The following DNASE1L3 variants were observed in gnomAD, a reference collection of about 807,000 sequenced individuals.
DNASE1L3 encodes the protein deoxyribonuclease 1L3.
A neutral mutation model predicts 30.9 loss-of-function variants in DNASE1L3; 27 were observed. That is an observed-to-expected ratio of 0.87 (90% CI 0.64 to 1.20). The LOEUF is 1.20. Among genes scored for constraint, DNASE1L3 ranks in the 50% most tolerant of loss-of-function variants. The pLI is 0.00. For synonymous variants in DNASE1L3, 135 were observed against 138.0 expected, an observed-to-expected ratio of 0.98 and a Z score of 0.15; for missense variants, 364 against 378.2, an observed-to-expected ratio of 0.96 and a Z score of 0.31.
At position 58,205,777 on chromosome 3, in the gene DNASE1L3, G is replaced by A. The variant is rs553155188; in HGVS notation, c.231-217C>T. Among the ~76,000 whole-genome samples, 12 of 152,348 alleles carry A rather than the reference G, an allele frequency of 7.9e-5. No homozygotes were observed. The South Asian group carries it at 1.0e-3, about 13-fold the overall frequency. ...ACAGCCATTATTTCTTGCCTTATGAGGAGAGTGTTATCATTACCCCCTTTC... is the reference window on the plus strand; with the variant it reads ...ACAGCCATTATTTCTTGCCTTATGAAGAGAGTGTTATCATTACCCCCTTTC... On this transcript the variant is annotated intron_variant, in intron 2 of 7. Coordinates refer to ENST00000394549, the MANE Select transcript of DNASE1L3 (RefSeq NM_004944.4).
intron 7 of DNASE1L3, 58 bp downstream of exon 7, chr3:58,193,285 C>G (rs766661698): frequency 1.3e-6 from 2 of 1,588,418 alleles, no homozygotes; most frequent in Non-Finnish European, 1.7e-6. Flanking sequence ...CATCATGTTG[C>G]CCAAGCTAAC....
chr3:58,209,441 G>T (rs769875004), intron 1 of DNASE1L3, among the ~76,000 whole-genome samples: 1 of 152,196 alleles, frequency 6.6e-6, no homozygotes, highest in Non-Finnish European at 1.5e-5. Context: ...GCATGTCAGG[G>T]TTTCCCATTG....
intron 5 of DNASE1L3, among the ~76,000 whole-genome samples, chr3:58,198,342 A>C (rs1406539269): frequency 6.6e-6 from 1 of 152,196 alleles, no homozygotes; most frequent in African/African-American, 2.4e-5. Context: ...GCCGTCTACA[A>C]ACCAAGGAGA....
intron 5 of DNASE1L3, among the ~76,000 whole-genome samples, chr3:58,199,812 T>C (rs2097399525): frequency 6.6e-6 from 1 of 152,206 alleles, no homozygotes; most frequent in Non-Finnish European, 1.5e-5. Context: ...AATGATTTCA[T>C]AATTTTTGGA....
At chr3:58,203,004 G>C (rs1030543192) in intron 4 of DNASE1L3, among the ~76,000 whole-genome samples, 3 of 152,216 alleles carry the variant, frequency 2.0e-5, no homozygotes, top group African/African-American at 7.2e-5. Flanking sequence ...CTGAGAGCCT[G>C]AGTGTGGCAA....
chr3:58,195,793 A>G (rs1013871467), intron 6 of DNASE1L3, among the ~76,000 whole-genome samples: 5 of 152,124 alleles, frequency 3.3e-5, no homozygotes, highest in Non-Finnish European at 7.4e-5. Flanking sequence ...CTCAAAAAAA[A>G]GAAAAAAAAG....
At chr3:58,204,630 A>G (rs1432250735) in intron 4 of DNASE1L3, 139 bp downstream of exon 4, 4 of 684,298 alleles carry the variant, frequency 5.8e-6, no homozygotes, top group Admixed American at 2.8e-5. Context: ...ACTGAACTGC[A>G]TCGTCTACAT....
chr3:58,205,381 C>A, intron 3 of DNASE1L3, 90 bp downstream of exon 3: 3 of 1,181,046 alleles, frequency 2.5e-6, no homozygotes, highest in South Asian at 2.5e-5. Context: ...GGTTAGAAAT[C>A]AAAATTTGGT....
rs1269161129 is a variant in DNASE1L3 at position 58,192,398 on chromosome 3, G to C, written c.*289C>G. 4.3e-6 allele frequency: 1 copy of C among 233,380 alleles called. No homozygotes were observed. Among genetic ancestry groups the C allele is most frequent in the Non-Finnish European group, 8.3e-6 (1 of 121,156 alleles). 14.5% of individuals were successfully genotyped at this position (233,380 alleles called of 1,614,324 possible). Reference sequence around the variant, plus strand: ...CCCCCTGCAGCCTCTCGCATGACAGGGTTGAGCAGGGCCAGTGACAGTGGA... The same window carrying C: ...CCCCCTGCAGCCTCTCGCATGACAGCGTTGAGCAGGGCCAGTGACAGTGGA... On this transcript the variant is annotated 3_prime_UTR_variant, in exon 8 of 8. Coordinates refer to ENST00000394549, the MANE Select transcript of DNASE1L3 (RefSeq NM_004944.4). This position sits in a 1 kb window ranked among gnomAD's most constrained non-coding sequence, Gnocchi z 4.8.
intron 6 of DNASE1L3, among the ~76,000 whole-genome samples, chr3:58,196,034 AT>A (rs1434128470): frequency 2.0e-5 from 3 of 151,936 alleles, no homozygotes. Context: ...CTTCCCACTC[AT>A]TTGCCAGGGG....
At chr3:58,204,915 G>A in intron 3 of DNASE1L3, 34 bp from the exon 4 acceptor site, 1 of 1,600,322 alleles carries the variant, frequency 6.2e-7, no homozygotes, top group South Asian at 1.1e-5. Flanking sequence ...TCCCAGCTGA[G>A]TCAGCCCTTT....
chr3:58,201,193 C>T, intron 4 of DNASE1L3, 84 bp from the exon 5 acceptor site: 1 of 1,005,350 alleles, frequency 9.9e-7, no homozygotes, highest in Non-Finnish European at 1.5e-6. Context: ...CAGCTGTCCC[C>T]TCCAGAAGGC....
chr3:58,200,850 C>T lies in DNASE1L3; in HGVS notation c.546+147G>A, dbSNP rs919068598. On this transcript the variant is annotated intron_variant, in intron 5 of 7. Coordinates refer to ENST00000394549, the MANE Select transcript of DNASE1L3 (RefSeq NM_004944.4). This position sits in a 1 kb window ranked among gnomAD's most constrained non-coding sequence, Gnocchi z 4.2. ...GATTTAGCAAAAGGGATACTTAGGGCTGAAGAAAGGCCTTAAAGAATGCTG... is the reference window on the plus strand; with the variant it reads ...GATTTAGCAAAAGGGATACTTAGGGTTGAAGAAAGGCCTTAAAGAATGCTG... 2 of 573,132 alleles carry T rather than the reference C, an allele frequency of 3.5e-6. No individual in the cohort carries two copies. Among genetic ancestry groups the T allele is most frequent in the Non-Finnish European group, 6.0e-6 (2 of 331,876 alleles). 35.5% of individuals were successfully genotyped at this position (573,132 alleles called of 1,614,324 possible). A position where few individuals can be genotyped will look rare whatever the true frequency, so the allele number is the denominator to read the frequency against.
rs1201586524 is a variant in DNASE1L3 at position 58,200,997 on chromosome 3, C to T, written c.546G>A (p.Glu182=). 1 of 1,611,252 alleles carries T rather than the reference C, an allele frequency of 6.2e-7. No individual in the cohort carries two copies. Among genetic ancestry groups the T allele is most frequent in the African/African-American group, 1.3e-5 (1 of 75,004 alleles). Residue 182 remains glutamate (E), a splice_region_variant and synonymous_variant, in exon 5 of 8, where the codon GAG becomes GAA. Transcript: ENST00000394549. This position sits in a 1 kb window ranked among gnomAD's most constrained non-coding sequence, Gnocchi z 4.2. ...YTDVKHRWKA[E]NFIFMGDFNA... ...ATTCGTCTGACACAGCAGTCCTCAC[C>T]TCCGCCTTCCAGCGGTGTTTCACGT...
At chr3:58,195,814 G>C (rs2097396990) in intron 6 of DNASE1L3, among the ~76,000 whole-genome samples, 1 of 151,934 alleles carries the variant, frequency 6.6e-6, no homozygotes. Context: ...AGGCACAAGA[G>C]TTATACATGT....
At chr3:58,202,817 C>A (rs2097401659) in intron 4 of DNASE1L3, among the ~76,000 whole-genome samples, 1 of 151,228 alleles carries the variant, frequency 6.6e-6, no homozygotes, top group African/African-American at 2.4e-5. Context: ...CACGCCACTG[C>A]ACTCCAGCCT....
rs1358510314 is a variant in DNASE1L3 at position 58,192,930 on chromosome 3, C to G, written c.802-127G>C. The G allele has an allele frequency of 1.4e-6, 2 of 1,480,256 alleles. No individual in the cohort carries two copies. The allele number at this position is 1,480,256 out of a possible 1,614,324, so 91.7% of individuals were successfully genotyped here. A position where few individuals can be genotyped will look rare whatever the true frequency, so the allele number is the denominator to read the frequency against. ...ATGCCCGAAGTCACCCCACAGAACA[C>G]TTACTGGTAAGCGTCATTCCAAGAC... On this transcript the variant is annotated intron_variant, in intron 7 of 7. Coordinates refer to ENST00000394549, the MANE Select transcript of DNASE1L3 (RefSeq NM_004944.4). This position sits in a 1 kb window ranked among gnomAD's most constrained non-coding sequence, Gnocchi z 4.8.
At chr3:58,201,303 G>A (rs952014113) in intron 4 of DNASE1L3, among the ~76,000 whole-genome samples, 194 bp from the exon 5 acceptor site, 1 of 152,196 alleles carries the variant, frequency 6.6e-6, no homozygotes, top group Non-Finnish European at 1.5e-5. Flanking sequence ...TTTAGTACAC[G>A]AAAGACTCAT....
At chr3:58,199,067 C>G (rs1282170489) in intron 5 of DNASE1L3, among the ~76,000 whole-genome samples, 1 of 152,180 alleles carries the variant, frequency 6.6e-6, no homozygotes, top group Non-Finnish European at 1.5e-5. Flanking sequence ...GCATTGCTGA[C>G]TTCAGAGTTT....
Sources: allele counts gnomAD v4.1 joint callset (sites outside exome capture counted in the v4.1 genomes callset), GRCh38; gene constraint gnomAD v4.1.1; non-coding constraint Gnocchi (gnomAD v3.1); transcripts MANE v1.5; gene names NCBI Gene and HGNC (gene_info 2026-07-23, HGNC 2026-07-21).